The following TULP2 variants were observed in gnomAD, a reference collection of about 807,000 sequenced individuals.
The protein encoded by TULP2 is TUB like protein 2, also known as tubby-related protein 2.
Under a neutral mutation model 60.3 loss-of-function variants are expected in TULP2, and 64 were observed. The ratio of observed to expected loss-of-function variants is 1.06; its 90% confidence interval spans 0.87 to 1.31. TULP2 has a LOEUF of 1.31. TULP2 is among the 50% of genes most tolerant of loss of function. TULP2 has a pLI of 0.00. For missense variants in TULP2, 652 were observed against 667.0 expected, an observed-to-expected ratio of 0.98 and a Z score of 0.25; for synonymous variants, 267 against 265.4, an observed-to-expected ratio of 1.01 and a Z score of -0.06.
intron 8 of TULP2, 103 bp from the exon 9 acceptor site, chr19:48,885,663 C>G: frequency 1.0e-6 from 1 of 954,578 alleles, no homozygotes; most frequent in East Asian, 2.7e-5. Flanking sequence ...GCGGGCAGAT[C>G]ACTTGAGGAC....
intron 7 of TULP2, 60 bp from the exon 8 acceptor site, chr19:48,888,321 C>T: frequency 1.3e-6 from 2 of 1,508,386 alleles, no homozygotes; most frequent in African/African-American, 2.8e-5. Context: ...TTGCTTACTA[C>T]TGATTGACCA....
chr19:48,887,343 T>A (rs868302759), intron 8 of TULP2, among the ~76,000 whole-genome samples: 16 of 88,772 alleles, frequency 1.8e-4, no homozygotes, highest in South Asian at 3.9e-4. Context: ...TTTTTTTTTT[T>A]ATGCAGAGTC....
At chr19:48,889,669 T>C (rs765242937) in intron 6 of TULP2, 38 bp from the exon 7 acceptor site, 19 of 1,546,378 alleles carry the variant, frequency 1.2e-5, no homozygotes, top group South Asian at 4.8e-5. Flanking sequence ...AGATTGTTAC[T>C]GTGTCTGTGT....
At chr19:48,896,002 G>A (rs900247567) in intron 4 of TULP2, among the ~76,000 whole-genome samples, 4 of 152,152 alleles carry the variant, frequency 2.6e-5, no homozygotes, top group Admixed American at 1.3e-4. Flanking sequence ...GGCTCCGCAC[G>A]TAAAGAATCT....
At chr19:48,887,864 T>G in intron 8 of TULP2, 86 bp downstream of exon 8, 1 of 1,439,920 alleles carries the variant, frequency 6.9e-7, no homozygotes, top group South Asian at 1.3e-5. Context: ...AGCCCCAGGC[T>G]GGTCTTGACC....
rs758514080 is a variant in TULP2, at chr19:48,897,587, G to A, written c.33-191C>T. On this transcript the variant is annotated intron_variant, in intron 2 of 12. Coordinates refer to ENST00000221399, the MANE Select transcript of TULP2 (RefSeq NM_003323.3). This position sits in a 1 kb window ranked among gnomAD's most constrained non-coding sequence, Gnocchi z 4.0. ...CTCCTGGCACTGGCCCACAGAAGCC[G>A]GGACCCAGAGATCCCAGGTCCCTCC... is the stretch of plus-strand genomic sequence containing the variant. 2.7e-4 allele frequency: 192 copies of A among 701,038 alleles called. No individual in the cohort carries two copies. Among genetic ancestry groups the A allele is most frequent in the Non-Finnish European group, 3.9e-4 (165 of 418,806 alleles). The allele number at this position is 701,038 out of a possible 1,614,324, so 43.4% of individuals were successfully genotyped here.
At chr19:48,896,648 C>T in intron 3 of TULP2, 92 bp from the exon 4 acceptor site, 9 of 1,431,426 alleles carry the variant, frequency 6.3e-6, no homozygotes, top group South Asian at 1.5e-5. Context: ...CGCATCGGCG[C>T]GAGAGTTCGT....
chr19:48,881,850 C>G (rs566684351), intron 12 of TULP2, 182 bp downstream of exon 12: 1 of 758,012 alleles, frequency 1.3e-6, no homozygotes, highest in East Asian at 2.7e-5. Context: ...CTGAGCGGTG[C>G]CCTTACTAAG....
chr19:48,882,130 G>T lies in TULP2; in HGVS notation c.1349C>A (p.Pro450Gln), dbSNP rs760475230. 1.2e-6 allele frequency: 2 copies of T among 1,613,976 alleles called. No individual in the cohort carries two copies. Among genetic ancestry groups the T allele is most frequent in the Admixed American group, 1.7e-5 (1 of 59,990 alleles). Residue 450 changes from proline (P) to glutamine (Q), a missense_variant, in exon 12 of 13, where the codon CCG becomes CAG. By Grantham distance (76) the Pro-to-Gln change is moderately conservative. Transcript: ENST00000221399. ...QGLLLLHNKT[P>Q]SWDKENGVYT... ...GACACCGTTCTCCTTGTCCCACGACGGGGTTTTGTTGTGCAACAAAAGCAA... is the reference window on the plus strand; with the variant it reads ...GACACCGTTCTCCTTGTCCCACGACTGGGTTTTGTTGTGCAACAAAAGCAA...
At chr19:48,894,149 T>C (rs1267975921) in intron 6 of TULP2, among the ~76,000 whole-genome samples, 1 of 151,874 alleles carries the variant, frequency 6.6e-6, no homozygotes, top group Non-Finnish European at 1.5e-5. Flanking sequence ...TCTCTTGCCT[T>C]GGCCTCCGGA....
chr19:48,894,573 G>C (rs555776546), intron 6 of TULP2, among the ~76,000 whole-genome samples: 1 of 152,008 alleles, frequency 6.6e-6, no homozygotes, highest in Non-Finnish European at 1.5e-5. Flanking sequence ...CCTAGGAGGC[G>C]GAGGTTGCAG....
At chr19:48,890,457 C>A (rs1259506021) in intron 6 of TULP2, among the ~76,000 whole-genome samples, 1 of 152,122 alleles carries the variant, frequency 6.6e-6, no homozygotes, top group Non-Finnish European at 1.5e-5. Context: ...CAGAGGCTGG[C>A]GGGATCCTCC....
In TULP2 at chr19:48,891,181, G is replaced by A. The variant is rs1482471380; in HGVS notation, c.515-1550C>T. Among the ~76,000 whole-genome samples, 8 of 149,998 alleles carry A rather than the reference G, an allele frequency of 5.3e-5. No individual in the cohort carries two copies. In the South Asian group the frequency reaches 6.3e-4, roughly 12 times the overall value. ...TACAAAAAAAAAAAAAAAATTAGCC[G>A]GGTGTGGTGGCCGGCGCCTGTAGTC... On this transcript the variant is annotated intron_variant, in intron 6 of 12. Transcript: ENST00000221399.
Position 48,894,997 on chromosome 19 carries a change from C to G in TULP2, c.514+1G>C. On this transcript the variant is annotated splice_donor_variant, in intron 6 of 12. Transcript: ENST00000221399. LOFTEE classifies it high-confidence loss of function. ...TTTCACCCCAATGTCCCCTAAATTACCAGGTCGTTGGTGGGCTTGCCAACC... is the reference window on the plus strand; with the variant it reads ...TTTCACCCCAATGTCCCCTAAATTAGCAGGTCGTTGGTGGGCTTGCCAACC... The G allele has an allele frequency of 6.2e-7, 1 of 1,610,386 alleles. No homozygotes were observed. The highest frequency in any genetic ancestry group is 8.5e-7 in the Non-Finnish European group (1 of 1,178,702).
intron 8 of TULP2, 51 bp from the exon 9 acceptor site, chr19:48,885,611 T>C (rs1429325306): frequency 6.5e-7 from 1 of 1,548,172 alleles, no homozygotes; most frequent in Non-Finnish European, 8.9e-7. Context: ...ATGCTGGGTG[T>C]GGTGGCTCAT....
chr19:48,887,105 G>A (rs901126624), intron 8 of TULP2, among the ~76,000 whole-genome samples: 1 of 145,986 alleles, frequency 6.8e-6, no homozygotes, highest in Admixed American at 7.0e-5. Context: ...CTCCGCCTTC[G>A]AGTTTCAAGC....
At position 48,894,978 on chromosome 19, in the gene TULP2, C is replaced by A. The variant is rs2037264916; in HGVS notation, c.514+20G>T. 1.2e-6 allele frequency: 2 copies of A among 1,601,772 alleles called. No individual in the cohort carries two copies. Among genetic ancestry groups the A allele is most frequent in the Non-Finnish European group, 1.7e-6 (2 of 1,174,974 alleles). ...TGAACCAGGAGATCCCAGGTTTCAC[C>A]CCAATGTCCCCTAAATTACCAGGTC... On this transcript the variant is annotated intron_variant, in intron 6 of 12. Transcript: ENST00000221399.
chr19:48,886,563 C>T (rs1361841534), intron 8 of TULP2, among the ~76,000 whole-genome samples: 1 of 151,864 alleles, frequency 6.6e-6, no homozygotes, highest in Non-Finnish European at 1.5e-5. Context: ...AAACCTCTTT[C>T]TAGGGGGAGA....
At chr19:48,889,256 G>A (rs1356159935) in intron 7 of TULP2, among the ~76,000 whole-genome samples, 3 of 152,140 alleles carry the variant, frequency 2.0e-5, no homozygotes, top group African/African-American at 4.8e-5. Context: ...GATTACAGGC[G>A]TGAGCCACCA....
Sources: gnomAD v4.1 joint callset for allele counts (sites outside exome capture counted in the v4.1 genomes callset) on GRCh38, gnomAD v4.1.1 for gene constraint, Gnocchi (gnomAD v3.1) non-coding constraint, MANE v1.5 for transcripts, NCBI Gene and HGNC (gene_info 2026-07-23, HGNC 2026-07-21) for gene names.